RAD52: variants seen among roughly 807,000 people sequenced by gnomAD.
The protein encoded by RAD52 is DNA repair protein RAD52 homolog.
A neutral mutation model predicts 55.5 loss-of-function variants in RAD52; 47 were observed. The observed-to-expected ratio is 0.85, with a 90% CI of 0.67 to 1.08. RAD52 has a LOEUF of 1.08. RAD52 is among the 50% of genes least tolerant of loss of function. The pLI is 0.00. For synonymous variants in RAD52, 184 were observed against 198.9 expected, an observed-to-expected ratio of 0.92 and a Z score of 0.63; for missense variants, 468 against 522.8, an observed-to-expected ratio of 0.90 and a Z score of 1.02.
chr12:983,063 T>C (rs1959040491), intron 1 of RAD52, among the ~76,000 whole-genome samples: 1 of 151,440 alleles, frequency 6.6e-6, no homozygotes, highest in South Asian at 2.1e-4. Flanking sequence ...TTGGCCAGGC[T>C]GGTCTCGAAC....
chr12:954,612 C>T (rs917657083), upstream of RAD52, among the ~76,000 whole-genome samples: 14 of 152,208 alleles, frequency 9.2e-5, no homozygotes, highest in East Asian at 3.9e-4. Context: ...ACAGCTTGGG[C>T]GACAGAGCAA....
At chr12:958,306 C>A (rs1958637663) in intron 1 of RAD52, among the ~76,000 whole-genome samples, 1 of 152,172 alleles carries the variant, frequency 6.6e-6, no homozygotes, top group South Asian at 2.1e-4. Flanking sequence ...AACTCGGCCT[C>A]CTGGGTTCAA....
chr12:952,134 A>C (rs1357225168), upstream of RAD52, among the ~76,000 whole-genome samples: 3 of 152,146 alleles, frequency 2.0e-5, no homozygotes, highest in Non-Finnish European at 4.4e-5. Flanking sequence ...AAGTAAAAAA[A>C]CATTTTTTTG....
intron 1 of RAD52, chr12:975,842 A>G (rs1739169414): frequency 6.6e-6 from 1 of 152,218 alleles, no homozygotes; most frequent in Non-Finnish European, 1.5e-5. Context: ...GTCAATTCTT[A>G]GTTATCATTA....
At chr12:952,267 T>G (rs1317175313), upstream of RAD52, among the ~76,000 whole-genome samples, 1 of 152,056 alleles carries the variant, frequency 6.6e-6, no homozygotes, top group Non-Finnish European at 1.5e-5. Context: ...CCTGGCTAAT[T>G]AAAAAAATTT....
chr12:951,433 G>A (rs547540108), upstream of RAD52, among the ~76,000 whole-genome samples: 1 of 152,270 alleles, frequency 6.6e-6, no homozygotes, highest in South Asian at 2.1e-4. Context: ...CTTTTTAGTC[G>A]TGTGATCTGA....
intron 1 of RAD52, among the ~76,000 whole-genome samples, chr12:937,240 T>C (rs767334709): frequency 3.3e-5 from 5 of 152,150 alleles, no homozygotes; most frequent in Non-Finnish European, 5.9e-5. Context: ...AACTTCAAAA[T>C]GCACCCTTGA....
intron 1 of RAD52, chr12:976,081 A>C (rs1958931154): frequency 6.6e-6 from 1 of 152,192 alleles, no homozygotes. Flanking sequence ...GCACTTTGGG[A>C]GGCTGAGGCA....
At position 931,200 on chromosome 12, in the gene RAD52, A is replaced by C. The variant is rs1048670880; in HGVS notation, c.186+20T>G. ...TCTGCGGTATGGATGCCTGCTTTCC[A>C]GGCACATGAATTCTCCTACCTTCTG... On this transcript the variant is annotated intron_variant, in intron 3 of 11. Transcript: ENST00000358495. 1 of 1,599,954 alleles carries C rather than the reference A, an allele frequency of 6.3e-7. No individual in the cohort carries two copies. Among genetic ancestry groups the C allele is most frequent in the Non-Finnish European group, 8.5e-7 (1 of 1,169,862 alleles).
At chr12:965,657 G>GT (rs891994451) in intron 1 of RAD52, among the ~76,000 whole-genome samples, 35 of 151,196 alleles carry the variant, frequency 2.3e-4, no homozygotes, top group African/African-American at 8.0e-4. Flanking sequence ...TGTATTTGGG[G>GT]TTTTTTTATT....
rs373962428 is a variant in RAD52 at position 986,745 on chromosome 12, C to CTTT, written c.-19+3061_-19+3063dup. ...ACCCCTAAAAGCAGCATCTTCTAAGCTTTTTTTTTTTTTTTTTATCATAGT... is the reference window on the plus strand; with the variant it reads ...ACCCCTAAAAGCAGCATCTTCTAAGCTTTTTTTTTTTTTTTTTTTTATCATAGT... On this transcript the variant is annotated intron_variant, in intron 1 of 11. Transcript: ENST00000430095. Among the ~76,000 whole-genome samples the CTTT allele has an allele frequency of 1.2e-4, 16 of 133,666 alleles. 1 individual carries two copies. Among genetic ancestry groups the CTTT allele is most frequent in the South Asian group, 2.4e-4 (1 of 4,110 alleles). The allele number at this position is 133,666 out of a possible 152,430, so 87.7% of individuals were successfully genotyped here. A position where few individuals can be genotyped will look rare whatever the true frequency, so the allele number is the denominator to read the frequency against.
At chr12:918,011 T>C (rs1278050307) in intron 7 of RAD52, among the ~76,000 whole-genome samples, 8 of 152,062 alleles carry the variant, frequency 5.3e-5, no homozygotes, top group East Asian at 1.9e-4. Flanking sequence ...TACAGAACAA[T>C]TGGAACTTAC....
chr12:949,171 G>A (rs758773623), intron 1 of RAD52, among the ~76,000 whole-genome samples: 4 of 152,062 alleles, frequency 2.6e-5, no homozygotes, highest in Non-Finnish European at 4.4e-5. Flanking sequence ...ATGGGGGCAT[G>A]CCGCCACCAT....
intron 1 of RAD52, among the ~76,000 whole-genome samples, chr12:980,763 G>A (rs1006419456): frequency 5.3e-5 from 8 of 151,974 alleles, no homozygotes; most frequent in East Asian, 1.9e-4. Context: ...ATGCCACCGC[G>A]CCTGGGTGCC....
intron 3 of RAD52, among the ~76,000 whole-genome samples, 154 bp from the exon 4 acceptor site, chr12:930,298 G>C (rs1199507837): frequency 6.6e-6 from 1 of 152,108 alleles, no homozygotes; most frequent in Non-Finnish European, 1.5e-5. Context: ...AGGATCACTT[G>C]AGCCCAGGAG....
chr12:968,559 A>G (rs1958800346), intron 1 of RAD52, among the ~76,000 whole-genome samples: 1 of 152,136 alleles, frequency 6.6e-6, no homozygotes, highest in Non-Finnish European at 1.5e-5. Context: ...CATTTATTGA[A>G]AATATTTCAA....
chr12:966,980 A>G (rs1203141264), intron 1 of RAD52, among the ~76,000 whole-genome samples: 1 of 152,066 alleles, frequency 6.6e-6, no homozygotes, highest in Non-Finnish European at 1.5e-5. Context: ...ATGGCATACA[A>G]CTGAGTTCTG....
rs1029808801 is a variant in RAD52, at chr12:916,692, G to T, written c.672C>A (p.Ser224=). The T allele has an allele frequency of 6.2e-7, 1 of 1,614,168 alleles. No individual in the cohort carries two copies. Among genetic ancestry groups the T allele is most frequent in the Non-Finnish European group, 8.5e-7 (1 of 1,180,020 alleles). Residue 224 remains serine (S), a synonymous_variant, in exon 8 of 12, where the codon TCC becomes TCA. Coordinates refer to ENST00000358495, the MANE Select transcript of RAD52 (RefSeq NM_134424.4). ...TCACAGCATGGCTGGGTCTGGAAGG[G>T]GAGGTCACCTGCTGCAGCTGTGGGT... ...LGHPQLQQVT[S]PSRPSHAVIP... is the part of the protein sequence containing the mutation.
At chr12:928,916 G>T (rs1380623417) in intron 5 of RAD52, among the ~76,000 whole-genome samples, 1 of 152,168 alleles carries the variant, frequency 6.6e-6, no homozygotes, top group Non-Finnish European at 1.5e-5. Context: ...CCACCCAGGA[G>T]TTCAGTGGCG....
Sources: allele counts gnomAD v4.1 joint callset (sites outside exome capture counted in the v4.1 genomes callset), GRCh38; gene constraint gnomAD v4.1.1; transcripts MANE v1.5; gene names NCBI Gene and HGNC (gene_info 2026-07-23, HGNC 2026-07-21).